Variants in CP observed in about 807,000 individuals in gnomAD.
CP encodes the protein caeruloplasmin.
In CP, 64 loss-of-function variants were observed where a neutral mutation model predicts 122.4. That is an observed-to-expected ratio of 0.52 (90% CI 0.43 to 0.64). CP has a LOEUF of 0.64. Ranked by LOEUF, CP falls within the 30% of genes least tolerant of loss-of-function variation. The pLI, the probability that CP is intolerant of heterozygous loss-of-function variation, is 0.00. For missense variants in CP, 1,167 were observed against 1,284.4 expected, an observed-to-expected ratio of 0.91 and a Z score of 1.40; for synonymous variants, 440 against 436.4, an observed-to-expected ratio of 1.01 and a Z score of -0.10.
Position 149,186,732 on chromosome 3 carries a change from G to C in CP, c.1865C>G (p.Ser622Cys). ...EDFQESNKMH[S>C]MNGFMYGNQP... ...ATTCCCATACATGAATCCATTCATG[G>C]CTGTAAAAGTTGGGAAATAACATTT... Residue 622 changes from serine to cysteine, a missense_variant and splice_region_variant, in exon 11 of 19, where the codon TCC becomes TGC. Coordinates refer to ENST00000264613, the MANE Select transcript of CP (RefSeq NM_000096.4). 1 of 1,612,568 alleles carries C rather than the reference G, an allele frequency of 6.2e-7. No individual in the cohort carries two copies. Among genetic ancestry groups the C allele is most frequent in the Non-Finnish European group, 8.5e-7 (1 of 1,178,922 alleles).
Position 149,193,050 on chromosome 3 carries a change from T to C in CP, c.1714-4848A>G, listed in dbSNP as rs1224599355. Among the ~76,000 whole-genome samples, 3 of 152,134 alleles carry C rather than the reference T, an allele frequency of 2.0e-5. No individual in the cohort carries two copies. In the East Asian group the frequency reaches 5.8e-4, roughly 29 times the overall value. ...AATTTCTTTAACCCTTACTTGTCCT[T>C]ACTGTATGTGGTATACTCTGACATT... On this transcript the variant is annotated intron_variant, in intron 9 of 18. Transcript: ENST00000264613.
downstream of CP, chr3:149,172,138 C>A (rs1306281704): frequency 1.2e-6 from 2 of 1,612,492 alleles, no homozygotes; most frequent in Admixed American, 3.3e-5. Context: ...TGAAGGATTT[C>A]ATGAATGTTC....
chr3:149,178,564 G>A lies in CP; in HGVS notation c.2729C>T (p.Pro910Leu). ...CRRPYLKVFN[P>L]RRKLEFALLF... ...AAGGGCAAATTCCAGTTTCCTTCTG[G>A]GATTGAATACTTTCAAGTAAGGTCT... Residue 910 changes from proline to leucine, a missense_variant, in exon 16 of 19, where the codon CCC (proline) becomes CTC (leucine). This residue lies in a region of CP where 525 missense variants were observed against 657.2 expected (regional missense o/e 0.80). Transcript: ENST00000264613. 1 of 1,613,102 alleles carries A rather than the reference G, an allele frequency of 6.2e-7. No individual in the cohort carries two copies. The highest frequency in any genetic ancestry group is 8.5e-7 in the Non-Finnish European group (1 of 1,179,482).
In CP at chr3:149,184,677, A is replaced by G. The variant is rs1048442767; in HGVS notation, c.2285+562T>C. 2.0e-5 allele frequency among the ~76,000 whole-genome samples: 3 copies of G among 152,340 alleles called. No homozygotes were observed. In the East Asian group the frequency reaches 5.8e-4, roughly 29 times the overall value. On this transcript the variant is annotated intron_variant, in intron 12 of 18. Transcript: ENST00000264613. ...CTCTAATCATCCTCTACTTATATCT[A>G]TTCATACAGAATTTATTTTGTACTT...
At chr3:149,167,664 A>G (rs910471154), downstream of CP, among the ~76,000 whole-genome samples, 3 of 152,132 alleles carry the variant, frequency 2.0e-5, no homozygotes, top group Non-Finnish European at 4.4e-5. Flanking sequence ...CCATGTACAT[A>G]TGTACAATAT....
rs1333599936 is a variant in CP at position 149,167,192 on chromosome 3, G to A, written c.587-1142C>T. On this transcript the variant is annotated intron_variant, in intron 4 of 5. Coordinates refer to the CP transcript ENST00000479771. ...TAGACATACTGTTAGAGAGATGCCC[G>A]GAGGCAGTCATTCCATATGCTAATC... 6.2e-6 allele frequency: 10 copies of A among 1,613,696 alleles called. No individual in the cohort carries two copies. Among genetic ancestry groups the A allele is most frequent in the African/African-American group, 4.0e-5 (3 of 74,922 alleles).
At chr3:149,185,524 C>G (rs550452981) in intron 11 of CP, 78 bp from the exon 12 acceptor site, 1 of 1,354,668 alleles carries the variant, frequency 7.4e-7, no homozygotes, top group East Asian at 2.3e-5. Flanking sequence ...AGAATTAATG[C>G]TGAAGTCCTT....
At chr3:149,196,560 G>C (rs544650550) in intron 9 of CP, among the ~76,000 whole-genome samples, 2 of 152,110 alleles carry the variant, frequency 1.3e-5, no homozygotes, top group Non-Finnish European at 2.9e-5. Context: ...CTGGTGTCTC[G>C]TTATACTAGA....
At chr3:149,163,409 C>T (rs1260480211) in intron 5 of CP, among the ~76,000 whole-genome samples, 1 of 152,154 alleles carries the variant, frequency 6.6e-6, no homozygotes, top group African/African-American at 2.4e-5. Flanking sequence ...TGTCCTAGCT[C>T]ATTAGCCATG....
chr3:149,167,928 T>A, downstream of CP: 1 of 1,608,402 alleles, frequency 6.2e-7, no homozygotes, highest in Non-Finnish European at 8.5e-7. Flanking sequence ...CTGAACTTTG[T>A]CAGAGAATAA....
In CP at chr3:149,181,996, C is replaced by G; in HGVS notation, c.2554+9G>C. ...AATGCACCACCCCCACCCCCGCCCC[C>G]GTGAGTACCTGGTAATGTTGGAGTA... On this transcript the variant is annotated intron_variant, in intron 14 of 18. Coordinates refer to ENST00000264613, the MANE Select transcript of CP (RefSeq NM_000096.4). The G allele has an allele frequency of 8.0e-7, 1 of 1,245,162 alleles. No individual in the cohort carries two copies. The highest frequency in any genetic ancestry group is 1.2e-5 in the South Asian group (1 of 83,528). 77.1% of individuals were successfully genotyped at this position (1,245,162 alleles called of 1,614,324 possible). A position where few individuals can be genotyped will look rare whatever the true frequency, so the allele number is the denominator to read the frequency against.
intron 1 of CP, 123 bp from the exon 2 acceptor site, chr3:149,212,821 G>C (rs555147288): frequency 5.7e-6 from 7 of 1,229,186 alleles, no homozygotes; most frequent in African/African-American, 1.5e-5. Context: ...ATGTTTGCCT[G>C]TTGTAGGGAT....
intron 9 of CP, among the ~76,000 whole-genome samples, chr3:149,194,834 T>G (rs932224989): frequency 2.6e-5 from 4 of 151,818 alleles, no homozygotes; most frequent in African/African-American, 9.7e-5. Flanking sequence ...TAAGGTTCAG[T>G]AGAAAGAATA....
intron 14 of CP, 30 bp downstream of exon 14, chr3:149,181,975 C>CGGG: frequency 2.8e-6 from 3 of 1,088,422 alleles, no homozygotes; most frequent in Non-Finnish European, 4.1e-6. Context: ...TGTTAAAATG[C>CGGG]ACCACCCCCA....
At chr3:149,208,687 G>C (rs1011346235) in intron 4 of CP, among the ~76,000 whole-genome samples, 5 of 152,036 alleles carry the variant, frequency 3.3e-5, no homozygotes, top group African/African-American at 1.2e-4. Context: ...TGAGAATTAA[G>C]AAAAAGTCTA....
chr3:149,186,338 A>T (rs983519776), intron 11 of CP, 182 bp downstream of exon 11: 51 of 646,662 alleles, frequency 7.9e-5, no homozygotes, highest in Middle Eastern at 3.6e-4. Flanking sequence ...TAACTAGGAA[A>T]CAGACCTATC....
Position 149,172,838 on chromosome 3 carries a change from A to G in CP, c.*876T>C, listed in dbSNP as rs1267368542. 1 of 152,700 alleles carries G rather than the reference A, an allele frequency of 6.5e-6. No homozygotes were observed. The highest frequency in any genetic ancestry group is 3.2e-3 in the Middle Eastern group (1 of 316). The allele number at this position is 152,700 out of a possible 1,614,324, so 9.5% of individuals were successfully genotyped here. A position where few individuals can be genotyped will look rare whatever the true frequency, so the allele number is the denominator to read the frequency against. Reference sequence around the variant, plus strand: ...TAACTTTCTTCTTGTCTAGCTATTAACATGATTTGTCAAATGCATGTTTTT... The same window carrying G: ...TAACTTTCTTCTTGTCTAGCTATTAGCATGATTTGTCAAATGCATGTTTTT... On this transcript the variant is annotated 3_prime_UTR_variant, in exon 19 of 19. Coordinates refer to ENST00000264613, the MANE Select transcript of CP (RefSeq NM_000096.4).
chr3:149,178,411 A>C lies in CP; in HGVS notation c.2878+4T>G, dbSNP rs1230729709. ...AAAAATTGTTTTAGAATAATGTGACATACCATGCATTTTATTGCTTTCTAT... is the reference window on the plus strand; with the variant it reads ...AAAAATTGTTTTAGAATAATGTGACCTACCATGCATTTTATTGCTTTCTAT... On this transcript the variant is annotated splice_donor_region_variant and intron_variant, in intron 16 of 18. Coordinates refer to ENST00000264613, the MANE Select transcript of CP (RefSeq NM_000096.4). The C allele has an allele frequency of 3.2e-6, 5 of 1,562,794 alleles. No homozygotes were observed. The highest frequency in any genetic ancestry group is 4.4e-6 in the Non-Finnish European group (5 of 1,133,662).
At chr3:149,215,073 T>C (rs755704333) in intron 1 of CP, among the ~76,000 whole-genome samples, 25 of 152,334 alleles carry the variant, frequency 1.6e-4, no homozygotes, top group Non-Finnish European at 2.4e-4. Context: ...TTTGATAATA[T>C]TTGGAGACTT....
Sources: allele counts gnomAD v4.1 joint callset (sites outside exome capture counted in the v4.1 genomes callset), GRCh38; gene constraint gnomAD v4.1.1; regional missense constraint gnomAD v4.1.1; transcripts MANE v1.5; gene names NCBI Gene and HGNC (gene_info 2026-07-23, HGNC 2026-07-21).